PIP5KL1: variants seen among roughly 807,000 people sequenced by gnomAD.
PIP5KL1 encodes the protein phosphatidylinositol-4-phosphate 5-kinase like 1.
PIP5KL1 carries 45 observed loss-of-function variants against 47.6 expected under a neutral mutation model. The ratio of observed to expected loss-of-function variants is 0.94; its 90% CI spans 0.74 to 1.21. The LOEUF is 1.21. Ranked by LOEUF, PIP5KL1 falls within the 50% of genes most tolerant of loss-of-function variation. The probability of loss-of-function intolerance (pLI) is 0.00; values close to 1 mark genes in which losing one functional copy is unlikely to be tolerated. For missense variants in PIP5KL1, 577 were observed against 547.6 expected, an observed-to-expected ratio of 1.05 and a Z score of -0.54; for synonymous variants, 256 against 234.6, an observed-to-expected ratio of 1.09 and a Z score of -0.84.
Position 127,927,226 on chromosome 9 carries a change from G to C in PIP5KL1, c.595-18C>G, listed in dbSNP as rs756618850. Reference sequence around the variant, plus strand: ...AAGTACGTCTGGGGGCCGGGACAGGGAGTGAGGGAGGCCGGCTGTCGCCCT... The same window carrying C: ...AAGTACGTCTGGGGGCCGGGACAGGCAGTGAGGGAGGCCGGCTGTCGCCCT... On this transcript the variant is annotated intron_variant, in intron 6 of 9. Coordinates refer to ENST00000388747, the MANE Select transcript of PIP5KL1 (RefSeq NM_001135219.2). This position sits in a 1 kb window ranked among gnomAD's most constrained non-coding sequence, Gnocchi z 5.5. 6.2e-7 allele frequency: 1 copy of C among 1,613,000 alleles called. No homozygotes were observed. Among genetic ancestry groups the C allele is most frequent in the Non-Finnish European group, 8.5e-7 (1 of 1,179,800 alleles).
At position 127,930,758 on chromosome 9, in the gene PIP5KL1, C is replaced by T. The variant is rs1289095464; in HGVS notation, c.-6G>A. The T allele has an allele frequency of 6.5e-7, 1 of 1,548,440 alleles. No homozygotes were observed. Among genetic ancestry groups the T allele is most frequent in the South Asian group, 1.2e-5 (1 of 83,206 alleles). On this transcript the variant is annotated 5_prime_UTR_variant, in exon 1 of 10. Transcript: ENST00000388747. ...CCCGGGCTCGGCGCAGCCATCGCCC[C>T]CGCAGCAGCTTCCCGGGCTTTGGCC... is the stretch of plus-strand genomic sequence containing the variant.
In PIP5KL1 at chr9:127,930,733, C is replaced by G. The variant is rs1192527613; in HGVS notation, c.20G>C (p.Gly7Ala). 1.1e-5 allele frequency: 18 copies of G among 1,568,344 alleles called. No homozygotes were observed. Among genetic ancestry groups the G allele is most frequent in the Non-Finnish European group, 1.5e-5 (18 of 1,161,362 alleles). MAAPSPGPREVLAPSPE... is the reference protein window; with the variant it reads MAAPSPAPREVLAPSPE... ...CGGGTCCGCACCTACCTCGCGGGGC[C>G]CCGGGCTCGGCGCAGCCATCGCCCC... The change falls in exon 1 of 10, where the codon GGG becomes GCG. Residue 7 changes from glycine (G) to alanine (A), a missense_variant. Physicochemically the swap from Gly to Ala is moderately conservative, Grantham distance 60. Transcript: ENST00000388747.
rs1471314052 is a variant in PIP5KL1, at chr9:127,921,927, G to T, written c.1105C>A (p.Pro369Thr). 3 of 1,578,024 alleles carry T rather than the reference G, an allele frequency of 1.9e-6. No individual in the cohort carries two copies. The highest frequency in any genetic ancestry group is 2.6e-6 in the Non-Finnish European group (3 of 1,163,938). ...LEHLWKTLRY[P>T]GRTFSTVSPA... ...CTGACAGTGGAGAAGGTCCGGCCTGGGTAGCGCAGTGTCTTCCACAGGTGC... is the reference window on the plus strand; with the variant it reads ...CTGACAGTGGAGAAGGTCCGGCCTGTGTAGCGCAGTGTCTTCCACAGGTGC... The change falls in exon 10 of 10, where the codon CCA becomes ACA. Residue 369 changes from proline (P) to threonine (T), a missense_variant. Pro to Thr is a conservative substitution (Grantham distance 38). Transcript: ENST00000388747.
rs561981649 is a variant in PIP5KL1, at chr9:127,921,435, G to T, written c.*412C>A. 1 of 169,512 alleles carries T rather than the reference G, an allele frequency of 5.9e-6. No individual in the cohort carries two copies. Among genetic ancestry groups the T allele is most frequent in the South Asian group, 1.4e-4 (1 of 7,300 alleles). The allele number at this position is 169,512 out of a possible 1,614,324, so 10.5% of individuals were successfully genotyped here. A position where few individuals can be genotyped will look rare whatever the true frequency, so the allele number is the denominator to read the frequency against. ...TCCCCATCTGGATGACAAGAGGGCT[G>T]CAGCCTTCAGCCTCCCCCCTTGCCC... On this transcript the variant is annotated 3_prime_UTR_variant, in exon 10 of 10. Coordinates refer to ENST00000388747, the MANE Select transcript of PIP5KL1 (RefSeq NM_001135219.2).
At position 127,927,128 on chromosome 9, in the gene PIP5KL1, G is replaced by C. The variant is rs73669496; in HGVS notation, c.650+25C>G. The C allele has an allele frequency of 8.7e-3, 13,778 of 1,590,922 alleles. 611 individuals are homozygous for C. The East Asian group carries it at 0.1, about 12-fold the overall frequency. On this transcript the variant is annotated intron_variant, in intron 7 of 9. Coordinates refer to ENST00000388747, the MANE Select transcript of PIP5KL1 (RefSeq NM_001135219.2). This position sits in a 1 kb window ranked among gnomAD's most constrained non-coding sequence, Gnocchi z 5.5. ...GCCGCGAGTTTCGGCTGGGATGGGGGCCCAAACCTGCTTAGGCCACTCACC... is the reference window on the plus strand; with the variant it reads ...GCCGCGAGTTTCGGCTGGGATGGGGCCCCAAACCTGCTTAGGCCACTCACC...
chr9:127,930,273 T>A (rs1200169109), intron 1 of PIP5KL1, among the ~76,000 whole-genome samples: 2 of 152,184 alleles, frequency 1.3e-5, no homozygotes, highest in African/African-American at 4.8e-5. Flanking sequence ...TACTTTTGAG[T>A]TTGAGCTCCT....
At chr9:127,926,491 A>T (rs1432230066) in intron 7 of PIP5KL1, among the ~76,000 whole-genome samples, 1 of 152,222 alleles carries the variant, frequency 6.6e-6, no homozygotes, top group African/African-American at 2.4e-5. Context: ...TCCTGGGCTC[A>T]AGTAATCCTC....
Position 127,928,489 on chromosome 9 carries a change from G to A in PIP5KL1, c.229-6C>T. The stretch of plus-strand genomic sequence containing the variant: ...TCGTCCCGGGAGGGCGGCCCCTGCA[G>A]GGAGAGGTAGAGGAGCTCAGGGCAA... On this transcript the variant is annotated splice_region_variant and splice_polypyrimidine_tract_variant and intron_variant, in intron 2 of 9. Coordinates refer to ENST00000388747, the MANE Select transcript of PIP5KL1 (RefSeq NM_001135219.2). The A allele has an allele frequency of 6.3e-7, 1 of 1,588,178 alleles. No individual in the cohort carries two copies. The highest frequency in any genetic ancestry group is 2.3e-5 in the East Asian group (1 of 44,198).
Position 127,930,574 on chromosome 9 carries a change from G to A in PIP5KL1, c.30+149C>T, listed in dbSNP as rs559854112. The stretch of plus-strand genomic sequence containing the variant: ...CAGGCCGCCCCTCGGGATACCTGGC[G>A]CCCCGTGTGGGGCGTGTCCTGGTCT... On this transcript the variant is annotated intron_variant, in intron 1 of 9. Transcript: ENST00000388747. The A allele has an allele frequency of 1.1e-4, 101 of 961,812 alleles. No individual in the cohort carries two copies. The African/African-American group carries it at 1.6e-3, about 15-fold the overall frequency. The allele number at this position is 961,812 out of a possible 1,614,324, so 59.6% of individuals were successfully genotyped here.
At chr9:127,928,340 A>C in intron 3 of PIP5KL1, 93 bp downstream of exon 3, 1 of 1,539,690 alleles carries the variant, frequency 6.5e-7, no homozygotes, top group Non-Finnish European at 8.8e-7. Context: ...TCTCAGGGAC[A>C]AGCCTTCACT....
rs201495145 is a variant in PIP5KL1 at position 127,922,053 on chromosome 9, C to A, written c.979G>T (p.Asp327Tyr). 2 of 1,565,992 alleles carry A rather than the reference C, an allele frequency of 1.3e-6. No homozygotes were observed. The highest frequency in any genetic ancestry group is 1.7e-6 in the Non-Finnish European group (2 of 1,157,004). ...AGGATGTGTAGGGCGTTGGGGGCGT[C>A]GGGCAGCAGCCGGCGGTTTTGGGCT... ...SRAQNRRLLP[D>Y]APNALHILDG... is the part of the protein sequence containing the mutation. Residue 327 changes from aspartate to tyrosine, a missense_variant, in exon 10 of 10, where the codon GAC becomes TAC. By Grantham distance (160) the Asp-to-Tyr change is radical (BLOSUM62 -3). Coordinates refer to ENST00000388747, the MANE Select transcript of PIP5KL1 (RefSeq NM_001135219.2).
chr9:127,923,445 CACA>C (rs1831318029), intron 9 of PIP5KL1, among the ~76,000 whole-genome samples: 2 of 152,230 alleles, frequency 1.3e-5, no homozygotes, highest in Admixed American at 1.3e-4. Context: ...ATTTCAATGT[CACA>C]ACAATTCCAT....
At chr9:127,923,489 C>A (rs564462222) in intron 9 of PIP5KL1, among the ~76,000 whole-genome samples, 1 of 152,232 alleles carries the variant, frequency 6.6e-6, no homozygotes, top group South Asian at 2.1e-4. Context: ...TGAATGACAG[C>A]GGTGGCCTAA....
At position 127,928,165 on chromosome 9, in the gene PIP5KL1, G is replaced by A; in HGVS notation, c.334C>T (p.Leu112=). The A allele has an allele frequency of 6.5e-7, 1 of 1,540,010 alleles. No homozygotes were observed. Among genetic ancestry groups the A allele is most frequent in the Non-Finnish European group, 8.7e-7 (1 of 1,143,652 alleles). ...TGATAGTCCTCCTCCGCCAGGCCCA[G>A]GGAGCGGCGCAGCCAGGCAAAGGCG... ...GPAFAWLRRS[L]GLAEEDYQAA... The change falls in exon 4 of 10, where the codon CTG becomes TTG. Residue 112 remains leucine, a synonymous_variant. Coordinates refer to ENST00000388747, the MANE Select transcript of PIP5KL1 (RefSeq NM_001135219.2).
At chr9:127,924,223 C>T (rs62585275) in intron 9 of PIP5KL1, among the ~76,000 whole-genome samples, 5,345 of 152,054 alleles carry the variant, frequency 0.035, 131 homozygotes, top group Middle Eastern at 0.071. Flanking sequence ...GAAAATTGGC[C>T]GGATGCTGGG....
intron 8 of PIP5KL1, 127 bp from the exon 9 acceptor site, chr9:127,925,387 A>G: frequency 2.5e-6 from 3 of 1,186,002 alleles, no homozygotes; most frequent in Non-Finnish European, 3.4e-6. Context: ...ACTCATCTGT[A>G]ATTTGCCTTG....
Position 127,929,373 on chromosome 9 carries a change from C to A in PIP5KL1, c.228+315G>T, listed in dbSNP as rs1257333707. On this transcript the variant is annotated intron_variant, in intron 2 of 9. Transcript: ENST00000388747. This position sits in a 1 kb window ranked among gnomAD's most constrained non-coding sequence, Gnocchi z 4.0. ...GTGGGGGTCCCTTTTCAACCATATA[C>A]CCTGGCAGGGCTGGGAGGGCCTCAG... Among the ~76,000 whole-genome samples, 1 of 152,004 alleles carries A rather than the reference C, an allele frequency of 6.6e-6. No individual in the cohort carries two copies. Among genetic ancestry groups the A allele is most frequent in the Non-Finnish European group, 1.5e-5 (1 of 67,986 alleles).
chr9:127,924,966 GCACACA>G (rs143994650), intron 9 of PIP5KL1, 135 bp downstream of exon 9: 1 of 1,069,400 alleles, frequency 9.4e-7, no homozygotes. Context: ...GCGCGCACAC[GCACACA>G]CACACACAAA....
rs1351546219 is a variant in PIP5KL1, at chr9:127,927,624, C to T, written c.559+24G>A. On this transcript the variant is annotated intron_variant, in intron 5 of 9. Coordinates refer to ENST00000388747, the MANE Select transcript of PIP5KL1 (RefSeq NM_001135219.2). This position sits in a 1 kb window ranked among gnomAD's most constrained non-coding sequence, Gnocchi z 5.5. ...ATGATGACCTAGGACCCGCCCCCAC[C>T]GAGCCCCGCCCCCAGCCAAGTACCC... 1.3e-6 allele frequency: 2 copies of T among 1,519,698 alleles called. No individual in the cohort carries two copies. The highest frequency in any genetic ancestry group is 1.8e-6 in the Non-Finnish European group (2 of 1,140,822). 94.1% of individuals were successfully genotyped at this position (1,519,698 alleles called of 1,614,324 possible).
Sources: gnomAD v4.1 joint callset for allele counts (sites outside exome capture counted in the v4.1 genomes callset) on GRCh38, gnomAD v4.1.1 for gene constraint, Gnocchi (gnomAD v3.1) non-coding constraint, MANE v1.5 for transcripts, NCBI Gene and HGNC (gene_info 2026-07-23, HGNC 2026-07-21) for gene names.